Variants in RPH3AL observed in about 807,000 individuals in gnomAD.
The protein encoded by RPH3AL is rab effector Noc2.
RPH3AL carries 38 observed loss-of-function variants against 43.1 expected under a neutral mutation model. The observed-to-expected ratio is 0.88, with a 90% CI of 0.68 to 1.15. The LOEUF (loss-of-function observed/expected upper bound fraction) is 1.15. Ranked by LOEUF, RPH3AL falls within the 50% of genes most tolerant of loss-of-function variation. RPH3AL has a pLI of 0.00. For missense variants in RPH3AL, 462 were observed against 423.2 expected, an observed-to-expected ratio of 1.09 and a Z score of -0.81; for synonymous variants, 189 against 176.3, an observed-to-expected ratio of 1.07 and a Z score of -0.57.
chr17:348,613 T>C (rs2045292202), intron 1 of RPH3AL, among the ~76,000 whole-genome samples: 1 of 150,512 alleles, frequency 6.6e-6, no homozygotes, highest in Admixed American at 6.6e-5. Context: ...AAAACAAAAA[T>C]AGCACACTAA....
intron 7 of RPH3AL, among the ~76,000 whole-genome samples, chr17:220,198 C>T (rs1263281322): frequency 7.9e-5 from 12 of 151,056 alleles, no homozygotes; most frequent in African/African-American, 2.9e-4. Context: ...GCTCTGAGGC[C>T]TCCACTCACT....
intron 6 of RPH3AL, among the ~76,000 whole-genome samples, chr17:267,812 T>C (rs1403496750): frequency 1.4e-5 from 2 of 145,644 alleles, no homozygotes; most frequent in African/African-American, 4.9e-5. Context: ...TCCAAATCAC[T>C]GATTCAAGCT....
rs2044645872 is a variant in RPH3AL at position 327,499 on chromosome 17, G to C, written c.45C>G (p.Cys15Trp). 1.2e-6 allele frequency: 2 copies of C among 1,613,856 alleles called. No homozygotes were observed. ...IFGSGNDQWV[C>W]PNDRQLALRA... ...GAAGGGCAAGCTGCCGGTCATTGGGGCAAACCCACTGATCATTCCCGCTGC... is the reference window on the plus strand; with the variant it reads ...GAAGGGCAAGCTGCCGGTCATTGGGCCAAACCCACTGATCATTCCCGCTGC... The change falls in exon 3 of 10, where the codon TGC becomes TGG. Residue 15 changes from cysteine to tryptophan, a missense_variant. Coordinates refer to ENST00000331302, the MANE Select transcript of RPH3AL (RefSeq NM_006987.4).
At chr17:316,072 T>C (rs1335002637) in intron 5 of RPH3AL, among the ~76,000 whole-genome samples, 13 of 148,190 alleles carry the variant, frequency 8.8e-5, no homozygotes, top group Admixed American at 2.0e-4. Context: ...CAGTGATGTG[T>C]AGTCCCTGTG....
Position 305,487 on chromosome 17 carries a change from G to C in RPH3AL, c.351+13933C>G, listed in dbSNP as rs112430676. Among the ~76,000 whole-genome samples the C allele has an allele frequency of 3.4e-3, 510 of 152,218 alleles. 3 individuals are homozygous for C. Among genetic ancestry groups the C allele is most frequent in the African/African-American group, 0.011 (455 of 41,528 alleles). On this transcript the variant is annotated intron_variant, in intron 5 of 9. Transcript: ENST00000331302. ...GACGTCCCACCAGGCAGCTTCACAA[G>C]GTTACAGGTCGGTTCCTTCTCCACT...
intron 6 of RPH3AL, among the ~76,000 whole-genome samples, chr17:278,314 C>G (rs1037198571): frequency 2.0e-5 from 3 of 152,182 alleles, no homozygotes; most frequent in Non-Finnish European, 4.4e-5. Flanking sequence ...TGAGGCCTCC[C>G]CAGCCATGTG....
At chr17:244,017 TATTG>T (rs1267317318) in intron 7 of RPH3AL, among the ~76,000 whole-genome samples, 2 of 151,120 alleles carry the variant, frequency 1.3e-5, no homozygotes, top group African/African-American at 4.9e-5. Flanking sequence ...ACCCTTCCTC[TATTG>T]ATTACCTTCC....
chr17:239,444 C>A (rs1350514175), intron 7 of RPH3AL, among the ~76,000 whole-genome samples: 1 of 152,206 alleles, frequency 6.6e-6, no homozygotes, highest in Non-Finnish European at 1.5e-5. Flanking sequence ...GGCGTCCATA[C>A]ATTCTCAGGC....
intron 9 of RPH3AL, among the ~76,000 whole-genome samples, chr17:214,385 T>A (rs942480928): frequency 6.6e-6 from 1 of 152,212 alleles, no homozygotes; most frequent in African/African-American, 2.4e-5. Context: ...AAGGACACCG[T>A]ACCGATAATA....
intron 5 of RPH3AL, among the ~76,000 whole-genome samples, chr17:316,689 C>T (rs1479682017): frequency 1.7e-3 from 4 of 2,394 alleles, no homozygotes; most frequent in Non-Finnish European, 7.2e-3. Flanking sequence ...AGTCCCTGTG[C>T]CCCACCTCCA....
At chr17:253,666 C>G (rs1368971385) in intron 6 of RPH3AL, among the ~76,000 whole-genome samples, 1 of 134,118 alleles carries the variant, frequency 7.5e-6, no homozygotes, top group Non-Finnish European at 1.6e-5. Flanking sequence ...TGCTGTCTGT[C>G]CCTAGGAACG....
In RPH3AL at chr17:301,415, C is replaced by T. The variant is rs562532169; in HGVS notation, c.351+18005G>A. Among the ~76,000 whole-genome samples the T allele has an allele frequency of 2.0e-5, 3 of 152,282 alleles. No homozygotes were observed. In the South Asian group the frequency reaches 6.2e-4, roughly 32 times the overall value. On this transcript the variant is annotated intron_variant, in intron 5 of 9. Coordinates refer to ENST00000331302, the MANE Select transcript of RPH3AL (RefSeq NM_006987.4). ...ACCTCCCAGGCTTAAGCAATCCTCC[C>T]ACCTCAGCCTCCCCAGTAGTTGAGA...
At chr17:219,409 AG>A (rs1752571927) in intron 8 of RPH3AL, among the ~76,000 whole-genome samples, 1 of 151,194 alleles carries the variant, frequency 6.6e-6, no homozygotes, top group African/African-American at 2.4e-5. Context: ...ATGTTGGGCA[AG>A]ATGGTCTCAA....
chr17:269,275 G>A (rs1010185578), intron 6 of RPH3AL, among the ~76,000 whole-genome samples: 1 of 151,898 alleles, frequency 6.6e-6, no homozygotes, highest in African/African-American at 2.4e-5. Flanking sequence ...GCCTCCCAGA[G>A]TGCTGGGTGT....
At chr17:327,316 G>A (rs2151708596) in intron 3 of RPH3AL, 151 bp downstream of exon 3, 3 of 670,284 alleles carry the variant, frequency 4.5e-6, no homozygotes, top group East Asian at 5.3e-5. Context: ...GTGAATGGCT[G>A]TGTCCAGGGC....
chr17:303,027 T>C (rs1012030113), intron 5 of RPH3AL, among the ~76,000 whole-genome samples: 6 of 152,200 alleles, frequency 3.9e-5, no homozygotes, highest in African/African-American at 1.4e-4. Context: ...GGCATCCAAG[T>C]CAGACAATAA....
chr17:219,597 AAGC>A (rs2040904821), intron 8 of RPH3AL, 23 bp downstream of exon 8: 3 of 1,353,680 alleles, frequency 2.2e-6, no homozygotes, highest in East Asian at 2.7e-5. Context: ...CCCGGCCAAT[AAGC>A]AGCATTTCAC....
chr17:315,203 C>T (rs1395568263), intron 5 of RPH3AL, among the ~76,000 whole-genome samples: 1 of 109,980 alleles, frequency 9.1e-6, no homozygotes, highest in Non-Finnish European at 1.8e-5. Context: ...TGCTCCACCT[C>T]CATTCACCTG....
intron 5 of RPH3AL, among the ~76,000 whole-genome samples, chr17:308,382 G>T (rs2043555402): frequency 6.6e-6 from 1 of 152,226 alleles, no homozygotes; most frequent in Non-Finnish European, 1.5e-5. Flanking sequence ...GCCACGGAAA[G>T]CAGGGTGGAG....
Sources: allele counts gnomAD v4.1 joint callset (sites outside exome capture counted in the v4.1 genomes callset), GRCh38; gene constraint gnomAD v4.1.1; transcripts MANE v1.5; gene names NCBI Gene and HGNC (gene_info 2026-07-23, HGNC 2026-07-21).